LRRC4C: variants seen among roughly 807,000 people sequenced by gnomAD.
LRRC4C encodes leucine-rich repeat-containing protein 4C.
LRRC4C carries 5 observed loss-of-function variants against 33.6 expected under a neutral mutation model. The ratio of observed to expected loss-of-function variants is 0.15; its 90% CI spans 0.08 to 0.31. The LOEUF (loss-of-function observed/expected upper bound fraction) is 0.31, where lower values mean the gene tolerates loss of function less well. Ranked by LOEUF, LRRC4C falls within the 10% of genes least tolerant of loss-of-function variation. LRRC4C has a pLI of 1.00. For synonymous variants in LRRC4C, 329 were observed against 302.0 expected, an observed-to-expected ratio of 1.09 and a Z score of -0.93; for missense variants, 560 against 796.7, an observed-to-expected ratio of 0.70 and a Z score of 3.58.
chr11:40,424,058 AT>A (rs1950624343), intron 3 of LRRC4C, among the ~76,000 whole-genome samples: 1 of 152,208 alleles, frequency 6.6e-6, no homozygotes, highest in Non-Finnish European at 1.5e-5. Flanking sequence ...TAGCAAGGTG[AT>A]GTCAGACTAT....
In LRRC4C at chr11:40,480,368, A is replaced by G. The variant is rs182134694; in HGVS notation, c.-269-160647T>C. On this transcript the variant is annotated intron_variant, in intron 3 of 6. Coordinates refer to ENST00000528697, the MANE Select transcript of LRRC4C (RefSeq NM_001258419.2). ...TAAAATAAATAAAAATAAAAATAAA[A>G]ATAAATAAATAAATAAAACAAAATA... Among the ~76,000 whole-genome samples, 326 of 151,488 alleles carry G rather than the reference A, an allele frequency of 2.2e-3. 2 individuals are homozygous for G. Among genetic ancestry groups the G allele is most frequent in the Non-Finnish European group, 4.0e-3 (274 of 67,836 alleles).
intron 3 of LRRC4C, among the ~76,000 whole-genome samples, chr11:40,574,112 G>A (rs2135582146): frequency 6.6e-6 from 1 of 152,276 alleles, no homozygotes; most frequent in Non-Finnish European, 1.5e-5. Context: ...ACACCTGAAT[G>A]TGTTGGAAAA....
intron 2 of LRRC4C, among the ~76,000 whole-genome samples, chr11:40,902,107 C>T (rs1200263199): frequency 6.7e-6 from 1 of 150,232 alleles, no homozygotes; most frequent in African/African-American, 2.4e-5. Context: ...GCAATGTTTA[C>T]ATTTTGGAAT....
intron 1 of LRRC4C, among the ~76,000 whole-genome samples, chr11:41,083,692 C>A (rs1350915): frequency 6.6e-6 from 1 of 151,868 alleles, no homozygotes; most frequent in African/African-American, 2.4e-5. Flanking sequence ...TTATAAGATG[C>A]GGAATAAAAA....
chr11:40,723,545 A>G (rs1348368130), intron 2 of LRRC4C, among the ~76,000 whole-genome samples: 2 of 152,212 alleles, frequency 1.3e-5, no homozygotes, highest in Non-Finnish European at 2.9e-5. Context: ...AATCTTTTGC[A>G]GACAAACAAT....
intron 1 of LRRC4C, among the ~76,000 whole-genome samples, chr11:41,402,315 C>A (rs1954056571): frequency 1.3e-5 from 2 of 151,970 alleles, no homozygotes; most frequent in South Asian, 4.1e-4. Context: ...AATCCTTCAC[C>A]AACTAATGGG....
At position 40,441,653 on chromosome 11, in the gene LRRC4C, C is replaced by T. The variant is rs558614997; in HGVS notation, c.-269-121932G>A. Among the ~76,000 whole-genome samples, 18 of 152,256 alleles carry T rather than the reference C, an allele frequency of 1.2e-4. No individual in the cohort carries two copies. In the South Asian group the frequency reaches 3.7e-3, roughly 32 times the overall value. On this transcript the variant is annotated intron_variant, in intron 3 of 6. Transcript: ENST00000528697. ...ATGAAATAAATCTGGAGTCAGAATA[C>T]CTCATTTCAAAATGGTAGTCTTTCA...
chr11:40,441,520 C>G (rs1480803032), intron 3 of LRRC4C, among the ~76,000 whole-genome samples: 1 of 152,106 alleles, frequency 6.6e-6, no homozygotes, highest in Admixed American at 6.6e-5. Flanking sequence ...CTGGGTCTAC[C>G]ATTTGCAACT....
chr11:40,633,277 T>C (rs1963620869), intron 3 of LRRC4C, among the ~76,000 whole-genome samples: 1 of 151,120 alleles, frequency 6.6e-6, no homozygotes, highest in Non-Finnish European at 1.5e-5. Context: ...TGACATGGGC[T>C]TTGCAATAAC....
At chr11:40,760,644 T>A (rs1350057616) in intron 2 of LRRC4C, among the ~76,000 whole-genome samples, 1 of 150,962 alleles carries the variant, frequency 6.6e-6, no homozygotes. Flanking sequence ...GGGGTCTCAC[T>A]CTGTCACCCA....
intron 2 of LRRC4C, among the ~76,000 whole-genome samples, chr11:40,918,674 G>A (rs935958940): frequency 3.9e-5 from 6 of 152,086 alleles, no homozygotes; most frequent in African/African-American, 1.4e-4. Context: ...CACTTTATCA[G>A]AATATCTTTG....
At chr11:41,107,973 G>A (rs11605769) in intron 1 of LRRC4C, among the ~76,000 whole-genome samples, 1 of 39,272 alleles carries the variant, frequency 2.5e-5, no homozygotes, top group Non-Finnish European at 8.4e-5. Flanking sequence ...AGAGGGGAGA[G>A]GGGAGAGGGG....
intron 1 of LRRC4C, among the ~76,000 whole-genome samples, chr11:41,436,821 G>T (rs886949585): frequency 6.6e-6 from 1 of 152,142 alleles, no homozygotes; most frequent in Non-Finnish European, 1.5e-5. Flanking sequence ...TCTTTCAAGA[G>T]TCCCTAAAAC....
intron 1 of LRRC4C, among the ~76,000 whole-genome samples, chr11:41,313,067 C>T (rs1180880156): frequency 2.6e-5 from 4 of 152,150 alleles, no homozygotes; most frequent in African/African-American, 9.7e-5. Flanking sequence ...AAGAGAAGGC[C>T]TTTGGGGCTC....
intron 3 of LRRC4C, among the ~76,000 whole-genome samples, chr11:40,476,997 A>G (rs1376336974): frequency 6.6e-6 from 1 of 152,100 alleles, no homozygotes; most frequent in Non-Finnish European, 1.5e-5. Flanking sequence ...ATCCTTTTTC[A>G]TCTCTTTCCT....
chr11:41,286,120 C>T (rs990931479), intron 1 of LRRC4C, among the ~76,000 whole-genome samples: 156 of 152,258 alleles, frequency 1.0e-3, no homozygotes, highest in African/African-American at 3.7e-3. Context: ...TGAGCCACCA[C>T]GCCCGCCTAG....
In LRRC4C at chr11:41,123,256, GTTTTGTTTTTTTTT is replaced by G. The variant is rs1398259229; in HGVS notation, c.-495-189547_-495-189534del. Among the ~76,000 whole-genome samples the G allele has an allele frequency of 5.5e-4, 59 of 107,142 alleles. 4 individuals carry two copies. In the East Asian group the frequency reaches 9.0e-3, roughly 16 times the overall value. The allele number at this position is 107,142 out of a possible 152,430, so 70.3% of individuals were successfully genotyped here. A position where few individuals can be genotyped will look rare whatever the true frequency, so the allele number is the denominator to read the frequency against. ...AAATGCTTTCTCTATCCTGAGCTATGTTTTGTTTTTTTTTTTTTTTTTTTTTTTTTTTTTGAGAC... is the reference window on the plus strand; with the variant it reads ...AAATGCTTTCTCTATCCTGAGCTATGTTTTTTTTTTTTTTTTTTTTGAGAC... On this transcript the variant is annotated intron_variant, in intron 1 of 6. Coordinates refer to ENST00000528697, the MANE Select transcript of LRRC4C (RefSeq NM_001258419.2).
chr11:40,502,811 T>C (rs891571520), intron 3 of LRRC4C, among the ~76,000 whole-genome samples: 1 of 152,192 alleles, frequency 6.6e-6, no homozygotes, highest in African/African-American at 2.4e-5. Flanking sequence ...TATTTCTCTG[T>C]CTTCATCAAA....
intron 1 of LRRC4C, among the ~76,000 whole-genome samples, chr11:41,282,488 G>T (rs528176230): frequency 3.3e-5 from 5 of 152,116 alleles, no homozygotes; most frequent in Non-Finnish European, 7.4e-5. Flanking sequence ...AATTCCAATG[G>T]GAGAAGTCCC....
Sources: gnomAD v4.1 joint callset for allele counts (sites outside exome capture counted in the v4.1 genomes callset) on GRCh38, gnomAD v4.1.1 for gene constraint, MANE v1.5 for transcripts, NCBI Gene and HGNC (gene_info 2026-07-23, HGNC 2026-07-21) for gene names.